The following XRCC4 variants were observed in gnomAD, a reference collection of about 807,000 sequenced individuals.
XRCC4 encodes the protein X-ray repair cross complementing 4, also known as DNA repair protein XRCC4.
XRCC4 carries 28 observed loss-of-function variants against 39.1 expected under a neutral mutation model. The observed-to-expected ratio is 0.72, with a 90% CI of 0.53 to 0.98. The LOEUF (loss-of-function observed/expected upper bound fraction) is 0.98, where lower values mean the gene tolerates loss of function less well. Ranked by LOEUF, XRCC4 falls within the 50% of genes least tolerant of loss-of-function variation. XRCC4 has a pLI of 0.00. For synonymous variants in XRCC4, 123 were observed against 126.4 expected, an observed-to-expected ratio of 0.97 and a Z score of 0.18; for missense variants, 350 against 376.4, an observed-to-expected ratio of 0.93 and a Z score of 0.58.
rs527689990 is a variant in XRCC4, at chr5:83,098,281, A to G, written c.-10-6629A>G. Among the ~76,000 whole-genome samples the G allele has an allele frequency of 3.9e-5, 6 of 152,208 alleles. No homozygotes were observed. The South Asian group carries it at 8.3e-4, about 21-fold the overall frequency. ...ATCAGATTAATTTAATGTCTCCCTT[A>G]TACATCAGCTGTATATTACAAGTTT... On this transcript the variant is annotated intron_variant, in intron 1 of 7. Coordinates refer to ENST00000396027, the MANE Select transcript of XRCC4 (RefSeq NM_003401.5).
chr5:83,232,244 C>T (rs192302071), intron 6 of XRCC4, among the ~76,000 whole-genome samples: 2 of 152,174 alleles, frequency 1.3e-5, no homozygotes, highest in Non-Finnish European at 2.9e-5. Flanking sequence ...CCTAATAAAT[C>T]GTGTAAAGTT....
At chr5:83,243,665 C>T (rs75728981) in intron 6 of XRCC4, among the ~76,000 whole-genome samples, 2,441 of 152,116 alleles carry the variant, frequency 0.016, 62 homozygotes, top group African/African-American at 0.055. Flanking sequence ...CTACAGCATG[C>T]GGTTACCTTG....
At chr5:83,301,451 T>G (rs981007370) in intron 7 of XRCC4, among the ~76,000 whole-genome samples, 4 of 152,214 alleles carry the variant, frequency 2.6e-5, no homozygotes, top group Non-Finnish European at 5.9e-5. Context: ...TTTGTTTGAG[T>G]TCCTTGTAGA....
At chr5:83,313,078 TTTC>T (rs1755760400) in intron 7 of XRCC4, among the ~76,000 whole-genome samples, 1 of 71,532 alleles carries the variant, frequency 1.4e-5, no homozygotes, top group Non-Finnish European at 3.8e-5. Flanking sequence ...TTTTCTTTTC[TTTC>T]TTTTTTTTTT....
chr5:83,231,313 C>A (rs1175918707), intron 6 of XRCC4, among the ~76,000 whole-genome samples: 1 of 151,936 alleles, frequency 6.6e-6, no homozygotes, highest in Non-Finnish European at 1.5e-5. Flanking sequence ...CTTTTAGATT[C>A]CATTTTCTGG....
intron 4 of XRCC4, among the ~76,000 whole-genome samples, chr5:83,202,294 G>A (rs1047059895): frequency 6.6e-6 from 1 of 152,092 alleles, no homozygotes; most frequent in Non-Finnish European, 1.5e-5. Context: ...AACATCTGTC[G>A]AATGCTAAAC....
At position 83,077,562 on chromosome 5, in the gene XRCC4, T is replaced by A; in HGVS notation, c.-64T>A. ...TGATACTCTCATTGGTTGCAAAACC[T>A]TGATCTGTGAAAGCGGGCGTTTTGG... On this transcript the variant is annotated 5_prime_UTR_variant, in exon 1 of 8. It adds an upstream start codon to the 5' untranslated region. Coordinates refer to ENST00000396027, the MANE Select transcript of XRCC4 (RefSeq NM_003401.5). 1 of 550,144 alleles carries A rather than the reference T, an allele frequency of 1.8e-6. No individual in the cohort carries two copies. Among genetic ancestry groups the A allele is most frequent in the Non-Finnish European group, 3.3e-6 (1 of 305,800 alleles). 34.1% of individuals were successfully genotyped at this position (550,144 alleles called of 1,614,324 possible).
At chr5:83,365,081 G>A in the XRCC4 span, among the ~76,000 whole-genome samples, 3 of 152,156 alleles carry the variant, frequency 2.0e-5, no homozygotes, top group Admixed American at 6.5e-5. Context: ...AAGCATTACA[G>A]CTCCTGAGAG....
intron 3 of XRCC4, among the ~76,000 whole-genome samples, chr5:83,115,549 C>T (rs1222066178): frequency 6.6e-6 from 1 of 152,222 alleles, no homozygotes; most frequent in Non-Finnish European, 1.5e-5. Flanking sequence ...TTTACCCTTT[C>T]TATGAAGAAA....
At chr5:83,303,458 G>A (rs535495091) in intron 7 of XRCC4, among the ~76,000 whole-genome samples, 1 of 152,096 alleles carries the variant, frequency 6.6e-6, no homozygotes, top group Non-Finnish European at 1.5e-5. Flanking sequence ...ATAAATGTTG[G>A]TTGGTGAATG....
chr5:83,255,583 A>G (rs1462212022), intron 6 of XRCC4, among the ~76,000 whole-genome samples: 1 of 152,210 alleles, frequency 6.6e-6, no homozygotes, highest in East Asian at 1.9e-4. Context: ...AGAACATTAG[A>G]CACTTCTCCT....
At chr5:83,235,563 C>G (rs936487109) in intron 6 of XRCC4, among the ~76,000 whole-genome samples, 1 of 151,678 alleles carries the variant, frequency 6.6e-6, no homozygotes, top group African/African-American at 2.4e-5. Flanking sequence ...AGGAATATAC[C>G]TTAACGTGAC....
intron 7 of XRCC4, among the ~76,000 whole-genome samples, chr5:83,271,086 G>T (rs1754132000): frequency 6.6e-6 from 1 of 152,098 alleles, no homozygotes; most frequent in Admixed American, 6.5e-5. Context: ...GAACCTGATT[G>T]AAGTTTTCTG....
At chr5:83,241,423 A>G (rs1752905149) in intron 6 of XRCC4, among the ~76,000 whole-genome samples, 2 of 152,190 alleles carry the variant, frequency 1.3e-5, no homozygotes, top group African/African-American at 2.4e-5. Context: ...TAATGAATAT[A>G]ATATACAAGT....
At chr5:83,355,173 G>C (rs1233543428), downstream of XRCC4, among the ~76,000 whole-genome samples, 1 of 152,108 alleles carries the variant, frequency 6.6e-6, no homozygotes, top group Non-Finnish European at 1.5e-5. Flanking sequence ...GCTTCACATG[G>C]TTGGTTTCTT....
chr5:83,275,841 ATTG>A (rs1485063210), intron 7 of XRCC4, among the ~76,000 whole-genome samples: 1 of 152,160 alleles, frequency 6.6e-6, no homozygotes, highest in Non-Finnish European at 1.5e-5. Flanking sequence ...GAAAGGGATT[ATTG>A]TAGTGTCAGA....
chr5:83,084,133 T>G (rs930803768), intron 1 of XRCC4, among the ~76,000 whole-genome samples: 14 of 152,234 alleles, frequency 9.2e-5, no homozygotes, highest in Non-Finnish European at 1.5e-4. Context: ...CACTCAGCTA[T>G]GAAGCATAGT....
downstream of XRCC4, among the ~76,000 whole-genome samples, chr5:83,358,553 G>C (rs534670751): frequency 6.6e-6 from 1 of 152,082 alleles, no homozygotes; most frequent in African/African-American, 2.4e-5. Flanking sequence ...TCTTGGTTCT[G>C]CAGGGAAGTA....
chr5:83,152,033 T>G (rs2112555743), intron 3 of XRCC4, among the ~76,000 whole-genome samples: 1 of 152,340 alleles, frequency 6.6e-6, no homozygotes, highest in Non-Finnish European at 1.5e-5. Flanking sequence ...CTAGTTATTA[T>G]TTTTTAAACC....
Sources: gnomAD v4.1 joint callset for allele counts (sites outside exome capture counted in the v4.1 genomes callset) on GRCh38, gnomAD v4.1.1 for gene constraint, MANE v1.5 for transcripts, NCBI Gene and HGNC (gene_info 2026-07-23, HGNC 2026-07-21) for gene names.